The following POLD1 variants were observed in gnomAD, a reference collection of about 807,000 sequenced individuals.
POLD1 encodes the protein DNA polymerase delta 1, catalytic subunit.
In POLD1, 79 loss-of-function variants were observed where a neutral mutation model predicts 129.7. That is an observed-to-expected ratio of 0.61 (90% CI 0.51 to 0.73). The LOEUF (loss-of-function observed/expected upper bound fraction) is 0.73. Among genes scored for constraint, POLD1 ranks in the 30% least tolerant of loss-of-function variants. The pLI, the probability that POLD1 is intolerant of heterozygous loss-of-function variation, is 0.00. For missense variants in POLD1, 1,338 were observed against 1,595.8 expected (o/e 0.84, Z 2.75); for synonymous variants, 714 against 683.3 (o/e 1.04, Z -0.70).
At chr19:50,411,754 C>T (rs557987712) in intron 17 of POLD1, among the ~76,000 whole-genome samples, 165 of 151,756 alleles carry the variant, frequency 1.1e-3, no homozygotes, top group Admixed American at 1.3e-3. Context: ...GCAGGAGAAT[C>T]GCTTGAACCC....
At chr19:50,416,330 ACCACCCCGTGT>A in intron 22 of POLD1, 55 bp from the exon 23 acceptor site, 1 of 1,520,132 alleles carries the variant, frequency 6.6e-7, no homozygotes. Flanking sequence ...AGGCCCCATG[ACCACCCCGTGT>A]CCACCCCGGT....
Position 50,415,702 on chromosome 19 carries a change from CCGCCACCCCA to C in POLD1, c.2718-21_2718-12del. 1 of 1,528,792 alleles carries C rather than the reference CCGCCACCCCA, an allele frequency of 6.5e-7. No individual in the cohort carries two copies. 94.7% of individuals were successfully genotyped at this position (1,528,792 alleles called of 1,614,324 possible). A position where few individuals can be genotyped will look rare whatever the true frequency, so the allele number is the denominator to read the frequency against. ...CCGCCACCCACCTGCCCTCACCCAC[CCGCCACCCCA>C]TCTCCACGCAGGATGAGGAAGCGGG... On this transcript the variant is annotated splice_polypyrimidine_tract_variant and intron_variant, in intron 21 of 26. Coordinates refer to ENST00000440232, the MANE Select transcript of POLD1 (RefSeq NM_002691.4).
chr19:50,387,790 C>T (rs1389770959), intron 1 of POLD1: 2 of 152,568 alleles, frequency 1.3e-5, no homozygotes, highest in Admixed American at 6.5e-5. Context: ...CCGCTAACGA[C>T]GCTTGCTTCT....
chr19:50,416,273 G>GCC (rs924178837), intron 22 of POLD1, 123 bp from the exon 23 acceptor site: 7 of 1,004,020 alleles, frequency 7.0e-6, no homozygotes, highest in Non-Finnish European at 8.7e-6. Flanking sequence ...CCAGACCCAG[G>GCC]CCCCCCCCAT....
intron 1 of POLD1, among the ~76,000 whole-genome samples, chr19:50,395,309 G>A (rs1429404277): frequency 1.3e-5 from 2 of 151,498 alleles, no homozygotes; most frequent in African/African-American, 4.9e-5. Flanking sequence ...AGAATAAATA[G>A]TGTAGGCCGG....
At chr19:50,403,281 GC>G in intron 9 of POLD1, 62 bp downstream of exon 9, 4 of 1,466,158 alleles carry the variant, frequency 2.7e-6, no homozygotes, top group Non-Finnish European at 3.7e-6. Context: ...CGCGTCCTGA[GC>G]CATCAGCTCC....
chr19:50,402,220 A>G lies in POLD1; in HGVS notation c.605A>G (p.His202Arg), dbSNP rs755255779. Residue 202 changes from histidine to arginine, a missense_variant, in exon 6 of 27, where the codon CAC (histidine) becomes CGC (arginine). Transcript: ENST00000440232. The part of the protein sequence containing the change: ...LCSRESMFGY[H>R]GHGPSPFLRI... ...CCATCCACAGGCATGTTTGGGTACC[A>G]CGGGCACGGCCCCTCCCCGTTCCTG... 6.3e-7 allele frequency: 1 copy of G among 1,584,882 alleles called. No individual in the cohort carries two copies. Among genetic ancestry groups the G allele is most frequent in the East Asian group, 2.2e-5 (1 of 44,596 alleles).
In POLD1 at chr19:50,417,104, G is replaced by A; in HGVS notation, c.3120+7G>A. 1 of 1,562,558 alleles carries A rather than the reference G, an allele frequency of 6.4e-7. No homozygotes were observed. Among genetic ancestry groups the A allele is most frequent in the South Asian group, 1.2e-5 (1 of 85,316 alleles). On this transcript the variant is annotated splice_region_variant and intron_variant, in intron 25 of 26. Transcript: ENST00000440232. ...TGAGCTGTATCAGAAGGAGGTGAGA[G>A]GGCCGGGAGGTGAGGAGGGGCCAGG...
Position 50,416,174 on chromosome 19 carries a change from C to T in POLD1, c.2821-222C>T, listed in dbSNP as rs3219437. The T allele has an allele frequency of 1.1e-3, 673 of 593,898 alleles. 13 individuals are homozygous for T. The South Asian group carries it at 0.013, about 11-fold the overall frequency. The allele number at this position is 593,898 out of a possible 1,614,324, so 36.8% of individuals were successfully genotyped here. On this transcript the variant is annotated intron_variant, in intron 22 of 26. Transcript: ENST00000440232. Reference sequence around the variant, plus strand: ...CCTCCTGACCCCTTCCTCATCCTTGCTTCCCCTTGTGAACTCTGACCCTTC... The same window carrying T: ...CCTCCTGACCCCTTCCTCATCCTTGTTTCCCCTTGTGAACTCTGACCCTTC...
rs376197467 is a variant in POLD1 at position 50,416,672 on chromosome 19, G to C, written c.3016G>C (p.Ala1006Pro). Reference sequence around the variant, plus strand: ...CAAGGTGGGCGGCCTCCTGGCCTTCGCCAAACGCCGCAACTGCTGCATTGG... The same window carrying C: ...CAAGGTGGGCGGCCTCCTGGCCTTCCCCAAACGCCGCAACTGCTGCATTGG... ...TGKVGGLLAFAKRRNCCIGCR... is the reference protein window; with the variant it reads ...TGKVGGLLAFPKRRNCCIGCR... Residue 1006 changes from alanine to proline, a missense_variant, in exon 24 of 27, where the codon GCC becomes CCC. Physicochemically the swap from Ala to Pro is conservative, Grantham distance 27 (BLOSUM62 -1). This residue lies in a region of POLD1 where 286 missense variants were observed against 277.5 expected (regional missense o/e 1.03). Transcript: ENST00000440232. The C allele has an allele frequency of 1.3e-6, 2 of 1,556,244 alleles. No individual in the cohort carries two copies. Among genetic ancestry groups the C allele is most frequent in the Non-Finnish European group, 8.7e-7 (1 of 1,155,542 alleles).
chr19:50,386,726 C>G (rs1315427194), intron 1 of POLD1, among the ~76,000 whole-genome samples: 1 of 152,142 alleles, frequency 6.6e-6, no homozygotes, highest in Non-Finnish European at 1.5e-5. Flanking sequence ...ATGCTAAGGT[C>G]CCAGAGGAGA....
Position 50,414,955 on chromosome 19 carries a change from G to C in POLD1, c.2529G>C (p.Leu843=). 1 of 1,604,798 alleles carries C rather than the reference G, an allele frequency of 6.2e-7. No homozygotes were observed. Among genetic ancestry groups the C allele is most frequent in the South Asian group, 1.1e-5 (1 of 90,278 alleles). ...RRDNCPLVAN[L]VTASLRRLLI... ...ACAACTGCCCCCTCGTGGCCAACCT[G>C]GTCACTGCCTCACTGCGCCGCCTGC... Residue 843 remains leucine, a synonymous_variant, in exon 20 of 27, where the codon CTG becomes CTC. Coordinates refer to ENST00000440232, the MANE Select transcript of POLD1 (RefSeq NM_002691.4).
At chr19:50,407,552 T>A (rs2038941754) in intron 14 of POLD1, 137 bp downstream of exon 14, 1 of 409,822 alleles carries the variant, frequency 2.4e-6, no homozygotes, top group East Asian at 3.6e-5. Context: ...TTTTTATTTT[T>A]ATTTATTTTT....
intron 1 of POLD1, among the ~76,000 whole-genome samples, chr19:50,394,765 C>A (rs1205155258): frequency 6.6e-6 from 1 of 152,138 alleles, no homozygotes; most frequent in East Asian, 1.9e-4. Context: ...CCAGCCGCAT[C>A]TAGGATCTGC....
intron 1 of POLD1, among the ~76,000 whole-genome samples, chr19:50,397,763 A>G (rs980320196): frequency 6.6e-6 from 1 of 152,130 alleles, no homozygotes; most frequent in Non-Finnish European, 1.5e-5. Context: ...AGCAGTCTGT[A>G]TGTGTTTTGT....
rs755634695 is a variant in POLD1, at chr19:50,415,534, G to A, written c.2661G>A (p.Leu887=). 13 of 1,613,186 alleles carry A rather than the reference G, an allele frequency of 8.1e-6. No individual in the cohort carries two copies. The highest frequency in any genetic ancestry group is 1.3e-5 in the African/African-American group (1 of 75,066). The change falls in exon 21 of 27, where the codon CTG becomes CTA. Residue 887 remains leucine, a synonymous_variant. Coordinates refer to ENST00000440232, the MANE Select transcript of POLD1 (RefSeq NM_002691.4). ...CCCAGCTGGTCATCACCAAGGAGCT[G>A]ACCCGCGCGGCCTCCGACTATGCCG... ...DISQLVITKE[L]TRAASDYAGK...
intron 3 of POLD1, among the ~76,000 whole-genome samples, chr19:50,399,720 A>G (rs531386769): frequency 6.6e-6 from 1 of 152,206 alleles, no homozygotes; most frequent in African/African-American, 2.4e-5. Flanking sequence ...AGGTGCTTGG[A>G]GCGTTGATCT....
chr19:50,408,971 TGGG>T (rs763644621), intron 15 of POLD1, 70 bp downstream of exon 15: 3 of 1,489,928 alleles, frequency 2.0e-6, no homozygotes, highest in South Asian at 1.2e-5. Context: ...CTCAGTCTGG[TGGG>T]GGGCATAGGC....
intron 1 of POLD1, among the ~76,000 whole-genome samples, chr19:50,393,072 C>T (rs2038226892): frequency 6.6e-6 from 1 of 152,186 alleles, no homozygotes; most frequent in Admixed American, 6.6e-5. Context: ...CTTATAAATG[C>T]AGTTTTTCTT....
Sources: gnomAD v4.1 joint callset for allele counts (sites outside exome capture counted in the v4.1 genomes callset) on GRCh38, gnomAD v4.1.1 for gene constraint, gnomAD v4.1.1 regional missense constraint, MANE v1.5 for transcripts, NCBI Gene and HGNC (gene_info 2026-07-23, HGNC 2026-07-21) for gene names.